Variants in MPPED1 observed in about 807,000 individuals in gnomAD.
The protein encoded by MPPED1 is metallophosphoesterase domain containing 1, also known as metallophosphoesterase domain-containing protein 1.
MPPED1 carries 16 observed loss-of-function variants against 36.2 expected under a neutral mutation model. That is an observed-to-expected ratio of 0.44 (90% CI 0.30 to 0.67). The LOEUF is 0.67. MPPED1 is among the 30% of genes least tolerant of loss of function. The probability of loss-of-function intolerance (pLI) is 0.10; values close to 1 mark genes in which losing one functional copy is unlikely to be tolerated. For missense variants in MPPED1, 307 were observed against 453.4 expected, an observed-to-expected ratio of 0.68 and a Z score of 2.93; for synonymous variants, 199 against 191.3, an observed-to-expected ratio of 1.04 and a Z score of -0.33.
chr22:43,505,167 A>C (rs1239826993), intron 6 of MPPED1, among the ~76,000 whole-genome samples: 1 of 151,276 alleles, frequency 6.6e-6, no homozygotes, highest in African/African-American at 2.4e-5. Flanking sequence ...GATAGTGATG[A>C]TGGTGGTACA....
At chr22:43,470,571 A>G (rs1931340477) in intron 3 of MPPED1, among the ~76,000 whole-genome samples, 1 of 152,214 alleles carries the variant, frequency 6.6e-6, no homozygotes, top group South Asian at 2.1e-4. Flanking sequence ...CCATCCATCT[A>G]TAAACGATTT....
At chr22:43,461,365 A>G (rs1358308460) in intron 3 of MPPED1, among the ~76,000 whole-genome samples, 3 of 152,210 alleles carry the variant, frequency 2.0e-5, no homozygotes, top group South Asian at 2.1e-4. Flanking sequence ...CAGGCTTGCA[A>G]AGAGGAGGCT....
chr22:43,456,073 C>T (rs1393495641), intron 3 of MPPED1, among the ~76,000 whole-genome samples: 2 of 152,152 alleles, frequency 1.3e-5, no homozygotes, highest in African/African-American at 2.4e-5. Flanking sequence ...GCCACAAGAT[C>T]ATGTTTCTCT....
At chr22:43,453,302 C>T (rs1295987201) in intron 3 of MPPED1, among the ~76,000 whole-genome samples, 1 of 149,802 alleles carries the variant, frequency 6.7e-6, no homozygotes, top group Non-Finnish European at 1.5e-5. Flanking sequence ...AAGAACATCG[C>T]TATGGGCCGT....
chr22:43,435,241 C>T (rs369529782), intron 3 of MPPED1, 26 bp downstream of exon 3: 120 of 1,586,786 alleles, frequency 7.6e-5, no homozygotes, highest in Non-Finnish European at 9.6e-5. Flanking sequence ...CCCGGGCGGG[C>T]GGCTGTGCTG....
chr22:43,460,061 G>A (rs1329387529), intron 3 of MPPED1, among the ~76,000 whole-genome samples: 2 of 152,014 alleles, frequency 1.3e-5, no homozygotes, highest in Non-Finnish European at 2.9e-5. Flanking sequence ...ACAAAAATTA[G>A]CCGGGTGTGG....
intron 5 of MPPED1, among the ~76,000 whole-genome samples, chr22:43,499,353 G>A (rs1448106428): frequency 7.9e-6 from 1 of 126,980 alleles, no homozygotes; most frequent in African/African-American, 2.6e-5. Context: ...AGGTAGTGAT[G>A]GTGATGGAGG....
At chr22:43,428,535 C>T (rs953443022) in intron 2 of MPPED1, among the ~76,000 whole-genome samples, 1 of 152,126 alleles carries the variant, frequency 6.6e-6, no homozygotes, top group African/African-American at 2.4e-5. Flanking sequence ...CTCCCAGGAG[C>T]GGTGGGGGGA....
chr22:43,461,274 G>T (rs1280413084), intron 3 of MPPED1, among the ~76,000 whole-genome samples: 1 of 152,176 alleles, frequency 6.6e-6, no homozygotes, highest in Non-Finnish European at 1.5e-5. Context: ...TCTCAAAGCT[G>T]TTTTTCCCCC....
intron 4 of MPPED1, among the ~76,000 whole-genome samples, chr22:43,486,358 C>T (rs1038361789): frequency 2.0e-5 from 3 of 151,760 alleles, no homozygotes; most frequent in African/African-American, 4.8e-5. Context: ...CTGGAAAGCC[C>T]GGCCTCTTTG....
At chr22:43,460,273 CCA>C (rs923915343) in intron 3 of MPPED1, among the ~76,000 whole-genome samples, 12 of 146,914 alleles carry the variant, frequency 8.2e-5, no homozygotes, top group African/African-American at 2.7e-4. Flanking sequence ...ACCCCCCCCC[CCA>C]AACCCAAAGC....
At chr22:43,456,362 G>GGT (rs1214456534) in intron 3 of MPPED1, among the ~76,000 whole-genome samples, 2 of 152,186 alleles carry the variant, frequency 1.3e-5, no homozygotes, top group Non-Finnish European at 2.9e-5. Flanking sequence ...CCTGGGCTTA[G>GGT]GTGATTCTCC....
intron 4 of MPPED1, among the ~76,000 whole-genome samples, chr22:43,489,098 C>T (rs981933559): frequency 1.3e-5 from 2 of 152,150 alleles, no homozygotes; most frequent in Admixed American, 1.3e-4. Flanking sequence ...CCAGGGGCCA[C>T]GTGGACTTCG....
At chr22:43,492,805 TG>T (rs1312580816) in intron 4 of MPPED1, among the ~76,000 whole-genome samples, 1 of 152,028 alleles carries the variant, frequency 6.6e-6, no homozygotes, top group Non-Finnish European at 1.5e-5. Flanking sequence ...GGTAGGGGAC[TG>T]GGGAGGTGGT....
chr22:43,483,866 C>A (rs144922639), intron 4 of MPPED1, among the ~76,000 whole-genome samples: 1 of 152,332 alleles, frequency 6.6e-6, no homozygotes, highest in African/African-American at 2.4e-5. Flanking sequence ...CATCCTGGAC[C>A]ACACAGGTCT....
At chr22:43,452,204 G>T (rs1488597514) in intron 3 of MPPED1, among the ~76,000 whole-genome samples, 2 of 151,956 alleles carry the variant, frequency 1.3e-5, no homozygotes, top group Non-Finnish European at 2.9e-5. Context: ...TTTTAGTAGA[G>T]ATGGGGTTTC....
chr22:43,446,402 G>T (rs1189564769), intron 3 of MPPED1, among the ~76,000 whole-genome samples: 1 of 152,160 alleles, frequency 6.6e-6, no homozygotes, highest in East Asian at 1.9e-4. Flanking sequence ...TATGATGGGG[G>T]TGTTCAGGCT....
intron 3 of MPPED1, among the ~76,000 whole-genome samples, chr22:43,449,342 T>C (rs1426377093): frequency 1.3e-5 from 2 of 152,062 alleles, no homozygotes; most frequent in Non-Finnish European, 2.9e-5. Context: ...AGGTGGTTTC[T>C]GGAGGTCACG....
At chr22:43,450,157 C>T (rs1477078509) in intron 3 of MPPED1, among the ~76,000 whole-genome samples, 1 of 152,234 alleles carries the variant, frequency 6.6e-6, no homozygotes, top group East Asian at 1.9e-4. Context: ...CTTCTGGAGC[C>T]TTCCCCATTG....
Sources: gnomAD v4.1 joint callset for allele counts (sites outside exome capture counted in the v4.1 genomes callset) on GRCh38, gnomAD v4.1.1 for gene constraint, MANE v1.5 for transcripts, NCBI Gene and HGNC (gene_info 2026-07-23, HGNC 2026-07-21) for gene names.